Variants in STAT4 observed in about 807,000 individuals in gnomAD.
STAT4 encodes the protein signal transducer and activator of transcription 4.
A neutral mutation model predicts 110.5 loss-of-function variants in STAT4; 42 were observed. The ratio of observed to expected loss-of-function variants is 0.38; its 90% CI spans 0.30 to 0.49. The LOEUF (loss-of-function observed/expected upper bound fraction) is 0.49. Ranked by LOEUF, STAT4 falls within the 20% of genes least tolerant of loss-of-function variation. The pLI is 0.95. For synonymous variants in STAT4, 284 were observed against 302.2 expected (o/e 0.94, Z 0.63); for missense variants, 632 against 887.9 (o/e 0.71, Z 3.66).
At position 191,060,239 on chromosome 2, in the gene STAT4, C is replaced by T. The variant is rs1294126587; in HGVS notation, c.1035-1470G>A. On this transcript the variant is annotated intron_variant, in intron 10 of 23. Transcript: ENST00000392320. The surrounding 1 kb of genome is among the most constrained non-coding windows in gnomAD (Gnocchi z 4.5). ...TTTGCTAGGCAATCCCTACTCATCT[C>T]CCCTTTTGTCCCAGAGAGCATCTTA... Among the ~76,000 whole-genome samples, 1 of 152,118 alleles carries T rather than the reference C, an allele frequency of 6.6e-6. No individual in the cohort carries two copies. Among genetic ancestry groups the T allele is most frequent in the Admixed American group, 6.5e-5 (1 of 15,272 alleles).
At chr2:191,040,072 A>G (rs960860839) in intron 15 of STAT4, among the ~76,000 whole-genome samples, 2 of 152,220 alleles carry the variant, frequency 1.3e-5, no homozygotes, top group South Asian at 4.2e-4. Context: ...TAAAAGAGCA[A>G]AGGCAGAATT....
At chr2:191,115,620 T>G (rs1330127215) in intron 3 of STAT4, among the ~76,000 whole-genome samples, 2 of 152,242 alleles carry the variant, frequency 1.3e-5, no homozygotes, top group African/African-American at 2.4e-5. Flanking sequence ...CCGTTGTGTC[T>G]CATCAGGTCC....
At position 191,147,041 on chromosome 2, in the gene STAT4, T is replaced by C. The variant is rs1391497904; in HGVS notation, c.129-284A>G. ...TGTTGGTGAGGATACAGAGAAATTG[T>C]GCAATGCTGGTGGGAAGGTAAAATG... On this transcript the variant is annotated intron_variant, in intron 2 of 23. Transcript: ENST00000392320. This position sits in a 1 kb window ranked among gnomAD's most constrained non-coding sequence, Gnocchi z 4.1. Among the ~76,000 whole-genome samples, 1 of 152,106 alleles carries C rather than the reference T, an allele frequency of 6.6e-6. No homozygotes were observed. The highest frequency in any genetic ancestry group is 2.4e-5 in the African/African-American group (1 of 41,422).
intron 3 of STAT4, among the ~76,000 whole-genome samples, chr2:191,092,138 G>T (rs915833089): frequency 6.6e-6 from 1 of 152,180 alleles, no homozygotes; most frequent in Admixed American, 6.5e-5. Context: ...GGGCGCTGTG[G>T]CTCATGCCTG....
chr2:191,115,118 G>C (rs916174578), intron 3 of STAT4, among the ~76,000 whole-genome samples: 1 of 151,966 alleles, frequency 6.6e-6, no homozygotes, highest in African/African-American at 2.4e-5. Context: ...ACTTATGGAG[G>C]GTCTGCTATA....
intron 8 of STAT4, among the ~76,000 whole-genome samples, chr2:191,063,627 C>T (rs766627291): frequency 4.6e-5 from 7 of 152,154 alleles, no homozygotes; most frequent in Non-Finnish European, 8.8e-5. Context: ...AAGTCCACCT[C>T]GCCATACAGT....
intron 13 of STAT4, 81 bp downstream of exon 13, chr2:191,057,937 A>T: frequency 1.7e-6 from 2 of 1,201,770 alleles, no homozygotes; most frequent in East Asian, 2.4e-5. Flanking sequence ...AGCACAAAAC[A>T]TACTGAATTA....
chr2:191,058,883 T>C lies in STAT4; in HGVS notation c.1035-114A>G. On this transcript the variant is annotated intron_variant, in intron 10 of 23. Transcript: ENST00000392320. This position sits in a 1 kb window ranked among gnomAD's most constrained non-coding sequence, Gnocchi z 4.3. ...ATGAAATATGCATATAAATAAACCT[T>C]ACATTATCTACAGTTATATGTTAGT... The C allele has an allele frequency of 1.6e-6, 1 of 607,506 alleles. No individual in the cohort carries two copies. The highest frequency in any genetic ancestry group is 2.9e-6 in the Non-Finnish European group (1 of 348,998). 37.6% of individuals were successfully genotyped at this position (607,506 alleles called of 1,614,324 possible).
Position 191,058,336 on chromosome 2 carries a change from C to A in STAT4, c.1095-117G>T. 8.7e-7 allele frequency: 1 copy of A among 1,155,342 alleles called. No homozygotes were observed. The highest frequency in any genetic ancestry group is 1.5e-5 in the South Asian group (1 of 65,040). The allele number at this position is 1,155,342 out of a possible 1,614,324, so 71.6% of individuals were successfully genotyped here. A position where few individuals can be genotyped will look rare whatever the true frequency, so the allele number is the denominator to read the frequency against. ...ATTTTGAGACAGAGTCTCGCTCTGTCGTCCAGGCTGGAGTGCAGTGGTGCA... is the reference window on the plus strand; with the variant it reads ...ATTTTGAGACAGAGTCTCGCTCTGTAGTCCAGGCTGGAGTGCAGTGGTGCA... On this transcript the variant is annotated intron_variant, in intron 11 of 23. Transcript: ENST00000392320. This position sits in a 1 kb window ranked among gnomAD's most constrained non-coding sequence, Gnocchi z 4.3.
rs1696948406 is a variant in STAT4, at chr2:191,064,971, G to A, written c.631-13C>T. 6.3e-7 allele frequency: 1 copy of A among 1,583,078 alleles called. No homozygotes were observed. Among genetic ancestry groups the A allele is most frequent in the Admixed American group, 1.8e-5 (1 of 54,244 alleles). On this transcript the variant is annotated splice_polypyrimidine_tract_variant and intron_variant, in intron 7 of 23. Transcript: ENST00000392320. ...TACTGAGAGCCTCCTAAAAACAAAG[G>A]GGACTACTGAAGAGAGTTTCATAAG...
intron 3 of STAT4, among the ~76,000 whole-genome samples, chr2:191,089,091 A>G (rs1191125403): frequency 4.6e-5 from 7 of 152,222 alleles, no homozygotes; most frequent in Non-Finnish European, 1.0e-4. Context: ...TGATTAGTGG[A>G]AAAATTTCTG....
intron 15 of STAT4, among the ~76,000 whole-genome samples, chr2:191,040,185 G>GCAT (rs1351799100): frequency 6.6e-6 from 1 of 152,116 alleles, no homozygotes; most frequent in Non-Finnish European, 1.5e-5. Flanking sequence ...TTCAAGGAGC[G>GCAT]CATAGTCAAT....
intron 6 of STAT4, chr2:191,068,190 T>C (rs954192389): frequency 1.3e-5 from 2 of 152,198 alleles, no homozygotes; most frequent in African/African-American, 2.4e-5. Context: ...TAATTCATAA[T>C]GGACATGAAG....
intron 13 of STAT4, among the ~76,000 whole-genome samples, chr2:191,057,357 T>C (rs1351468957): frequency 6.6e-6 from 1 of 152,216 alleles, no homozygotes; most frequent in Non-Finnish European, 1.5e-5. Flanking sequence ...ATTCTTTCAA[T>C]GGCTGAATAA....
rs1188280655 is a variant in STAT4, at chr2:191,035,619, T to C, written c.1570+545A>G. On this transcript the variant is annotated intron_variant, in intron 17 of 23. Transcript: ENST00000392320. The surrounding 1 kb of genome is among the most constrained non-coding windows in gnomAD (Gnocchi z 4.7). ...ACCAGTGACTCTATTTTGCAAACTTTAGAAATCTCAGTCAAAGCTGAAACT... is the reference window on the plus strand; with the variant it reads ...ACCAGTGACTCTATTTTGCAAACTTCAGAAATCTCAGTCAAAGCTGAAACT... Among the ~76,000 whole-genome samples the C allele has an allele frequency of 6.6e-6, 1 of 152,394 alleles. No individual in the cohort carries two copies. The highest frequency in any genetic ancestry group is 6.5e-5 in the Admixed American group (1 of 15,310).
chr2:191,049,316 A>T lies in STAT4; in HGVS notation c.1251+5174T>A, dbSNP rs570147768. Among the ~76,000 whole-genome samples the T allele has an allele frequency of 2.0e-5, 3 of 151,996 alleles. No individual in the cohort carries two copies. The East Asian group carries it at 5.8e-4, about 29-fold the overall frequency. ...CAGCCTCCTGAGTAGCTGGGACTAC[A>T]GGCAACCCGCCACCACTCCTGGCTA... On this transcript the variant is annotated intron_variant, in intron 14 of 23. Coordinates refer to ENST00000392320, the MANE Select transcript of STAT4 (RefSeq NM_003151.4).
At chr2:191,096,201 C>T (rs1041501001) in intron 3 of STAT4, among the ~76,000 whole-genome samples, 7 of 152,168 alleles carry the variant, frequency 4.6e-5, no homozygotes, top group African/African-American at 1.7e-4. Flanking sequence ...CAAAGAGGAG[C>T]TGGTACCATT....
Position 191,073,081 on chromosome 2 carries a change from T to C in STAT4, c.465+17A>G, listed in dbSNP as rs748899122. 4.4e-6 allele frequency: 7 copies of C among 1,608,714 alleles called. No homozygotes were observed. In the East Asian group the frequency reaches 8.9e-5, roughly 21 times the overall value. On this transcript the variant is annotated intron_variant, in intron 5 of 23. Transcript: ENST00000392320. ...ACAGTATCTAGACTTTCTAGGTATCTGTATAAAAGCACTTACCTGCACACT... is the reference window on the plus strand; with the variant it reads ...ACAGTATCTAGACTTTCTAGGTATCCGTATAAAAGCACTTACCTGCACACT...
chr2:191,097,743 T>C (rs1698033096), intron 3 of STAT4, among the ~76,000 whole-genome samples: 1 of 152,038 alleles, frequency 6.6e-6, no homozygotes, highest in Non-Finnish European at 1.5e-5. Context: ...CCAAAAGCAA[T>C]GGCAACAAAA....
Sources: allele counts gnomAD v4.1 joint callset (sites outside exome capture counted in the v4.1 genomes callset), GRCh38; gene constraint gnomAD v4.1.1; non-coding constraint Gnocchi (gnomAD v3.1); transcripts MANE v1.5; gene names NCBI Gene and HGNC (gene_info 2026-07-23, HGNC 2026-07-21).